The following GRIK4 variants were observed in gnomAD, a reference collection of about 807,000 sequenced individuals.
GRIK4 encodes the protein glutamate ionotropic receptor kainate type subunit 4.
In GRIK4, 40 loss-of-function variants were observed where a neutral mutation model predicts 104.9. The observed-to-expected ratio is 0.38, with a 90% CI of 0.30 to 0.50. The LOEUF (loss-of-function observed/expected upper bound fraction) is 0.50, where lower values mean the gene tolerates loss of function less well. Ranked by LOEUF, GRIK4 falls within the 20% of genes least tolerant of loss-of-function variation. The pLI, the probability that GRIK4 is intolerant of heterozygous loss-of-function variation, is 0.93. For missense variants in GRIK4, 1,047 were observed against 1,308.1 expected, an observed-to-expected ratio of 0.80 and a Z score of 3.08; for synonymous variants, 485 against 524.9, an observed-to-expected ratio of 0.92 and a Z score of 1.04.
intron 3 of GRIK4, among the ~76,000 whole-genome samples, chr11:120,784,221 G>A (rs558895286): frequency 1.6e-4 from 25 of 152,286 alleles, no homozygotes; most frequent in African/African-American, 5.8e-4. Context: ...GCTTGGACTC[G>A]GAACCCCCGT....
chr11:120,720,758 A>C (rs1407756539), intron 3 of GRIK4, among the ~76,000 whole-genome samples: 1 of 152,094 alleles, frequency 6.6e-6, no homozygotes, highest in Non-Finnish European at 1.5e-5. Context: ...TATTTTAAGA[A>C]GTTAAGGGTG....
chr11:120,977,065 TC>T (rs1944572886), intron 19 of GRIK4, among the ~76,000 whole-genome samples: 1 of 152,230 alleles, frequency 6.6e-6, no homozygotes. Flanking sequence ...AGAACATTAT[TC>T]ATTTGCATTT....
In GRIK4 at chr11:120,987,012, GA is replaced by G. The variant is rs1944766528; in HGVS notation, c.*753del. The G allele has an allele frequency of 6.6e-6, 1 of 152,210 alleles. No homozygotes were observed. Among genetic ancestry groups the G allele is most frequent in the East Asian group, 1.9e-4 (1 of 5,192 alleles). The allele number at this position is 152,210 out of a possible 1,614,324, so 9.4% of individuals were successfully genotyped here. A position where few individuals can be genotyped will look rare whatever the true frequency, so the allele number is the denominator to read the frequency against. Reference sequence around the variant, plus strand: ...AAAAGTCCATTGCAGTAAACTTTGAGATGCCAAAAAGCAATTAACTCATCCT... The same window carrying G: ...AAAAGTCCATTGCAGTAAACTTTGAGTGCCAAAAAGCAATTAACTCATCCT... On this transcript the variant is annotated 3_prime_UTR_variant, in exon 21 of 21. Transcript: ENST00000527524.
At chr11:120,702,914 T>C (rs148004674) in intron 3 of GRIK4, among the ~76,000 whole-genome samples, 2 of 152,346 alleles carry the variant, frequency 1.3e-5, no homozygotes, top group East Asian at 3.9e-4. Context: ...CAGCACACTT[T>C]TAAGTTCACT....
rs529258582 is a variant in GRIK4 at position 120,813,369 on chromosome 11, T to C, written c.248-2009T>C. ...AGGCAGTTGTAGGGATCTGAGGGGATGATGAACTTCAAGCACCTAGTGGGC... is the reference window on the plus strand; with the variant it reads ...AGGCAGTTGTAGGGATCTGAGGGGACGATGAACTTCAAGCACCTAGTGGGC... On this transcript the variant is annotated intron_variant, in intron 4 of 20. Transcript: ENST00000527524. Among the ~76,000 whole-genome samples, 11 of 152,162 alleles carry C rather than the reference T, an allele frequency of 7.2e-5. No individual in the cohort carries two copies. In the East Asian group the frequency reaches 2.1e-3, roughly 29 times the overall value.
At position 120,766,718 on chromosome 11, in the gene GRIK4, C is replaced by A. The variant is rs548886939; in HGVS notation, c.83-35975C>A. ...TTGGCTAGGGGAGGTAGTTCTCTGA[C>A]CCTTTGCACTTCCTGGGTGAGACGA... On this transcript the variant is annotated intron_variant, in intron 3 of 20. Transcript: ENST00000527524. Among the ~76,000 whole-genome samples, 25 of 152,106 alleles carry A rather than the reference C, an allele frequency of 1.6e-4. No homozygotes were observed. In the East Asian group the frequency reaches 4.9e-3, roughly 30 times the overall value.
intron 6 of GRIK4, among the ~76,000 whole-genome samples, chr11:120,831,136 C>T: frequency 6.6e-6 from 1 of 152,112 alleles, no homozygotes; most frequent in East Asian, 1.9e-4. Flanking sequence ...CAGTTCAAAG[C>T]CTGTTCCCTT....
Position 120,953,033 on chromosome 11 carries a change from AG to A in GRIK4, c.1700+74del. Reference sequence around the variant, plus strand: ...GTCCACCTCTGGGAACTGCATGGGGAGGGGGTGGGGAGGAGGAGAGGGGGAG... The same window carrying A: ...GTCCACCTCTGGGAACTGCATGGGGAGGGGTGGGGAGGAGGAGAGGGGGAG... On this transcript the variant is annotated intron_variant, in intron 15 of 20. Transcript: ENST00000527524. This position sits in a 1 kb window ranked among gnomAD's most constrained non-coding sequence, Gnocchi z 4.9. 1.6e-6 allele frequency: 1 copy of A among 638,490 alleles called. No individual in the cohort carries two copies. The highest frequency in any genetic ancestry group is 2.9e-6 in the Non-Finnish European group (1 of 350,174). 39.6% of individuals were successfully genotyped at this position (638,490 alleles called of 1,614,324 possible).
chr11:120,612,978 C>T (rs1714720614), intron 1 of GRIK4, among the ~76,000 whole-genome samples: 1 of 152,214 alleles, frequency 6.6e-6, no homozygotes, highest in Non-Finnish European at 1.5e-5. Context: ...AAAAGCATTT[C>T]TAATCAGTGA....
intron 1 of GRIK4, among the ~76,000 whole-genome samples, chr11:120,606,716 T>C (rs1477506491): frequency 6.6e-6 from 1 of 152,146 alleles, no homozygotes; most frequent in Non-Finnish European, 1.5e-5. Context: ...GAGGAGGGCA[T>C]GCAGTTCTCC....
intron 11 of GRIK4, among the ~76,000 whole-genome samples, chr11:120,878,745 C>A (rs1049372687): frequency 1.3e-5 from 2 of 152,040 alleles, no homozygotes; most frequent in Non-Finnish European, 2.9e-5. Context: ...AGCTTTGGTC[C>A]CCAGGTCCCA....
At chr11:120,512,237 C>A (rs954433646) in intron 1 of GRIK4, among the ~76,000 whole-genome samples, 1 of 151,952 alleles carries the variant, frequency 6.6e-6, no homozygotes, top group Non-Finnish European at 1.5e-5. Flanking sequence ...CTCTGGTCCT[C>A]CCCCTCCCCG....
intron 1 of GRIK4, among the ~76,000 whole-genome samples, chr11:120,548,720 G>C (rs1293570290): frequency 6.6e-6 from 1 of 152,154 alleles, no homozygotes; most frequent in African/African-American, 2.4e-5. Flanking sequence ...AAACACCCCA[G>C]AGCAGAGGCA....
intron 7 of GRIK4, among the ~76,000 whole-genome samples, chr11:120,834,516 T>C (rs1443492984): frequency 6.6e-6 from 1 of 152,210 alleles, no homozygotes; most frequent in African/African-American, 2.4e-5. Context: ...AGGCGTTCCA[T>C]CAGGCCTGGC....
At chr11:120,769,685 A>T (rs1951905044) in intron 3 of GRIK4, among the ~76,000 whole-genome samples, 1 of 152,224 alleles carries the variant, frequency 6.6e-6, no homozygotes, top group South Asian at 2.1e-4. Flanking sequence ...ATAAGAGCTC[A>T]TTCCTGGAGC....
chr11:120,660,363 C>G lies in GRIK4; in HGVS notation c.45C>G (p.Leu15=), dbSNP rs142433514. The G allele has an allele frequency of 5.0e-6, 8 of 1,613,302 alleles. No individual in the cohort carries two copies. Among genetic ancestry groups the G allele is most frequent in the Admixed American group, 1.7e-5 (1 of 60,024 alleles). The part of the protein sequence containing the change: ...SAPLVLLPAW[L]VMVACSPHSL... The stretch of plus-strand genomic sequence containing the variant: ...CTTTGGTGCTGCTTCCTGCGTGGCT[C>G]GTGATGGTCGCCTGCAGCCCGCACT... Residue 15 remains leucine, a synonymous_variant, in exon 3 of 21, where the codon CTC becomes CTG. Transcript: ENST00000527524.
At chr11:120,699,225 G>A (rs1187022989) in intron 3 of GRIK4, among the ~76,000 whole-genome samples, 2 of 151,948 alleles carry the variant, frequency 1.3e-5, no homozygotes, top group East Asian at 1.9e-4. Flanking sequence ...TTGGTGGCTC[G>A]CGGTCCCAGC....
At chr11:120,925,493 G>T (rs1231398898) in intron 13 of GRIK4, among the ~76,000 whole-genome samples, 1 of 152,216 alleles carries the variant, frequency 6.6e-6, no homozygotes. Flanking sequence ...ATGTGGACCA[G>T]TTAGCTTTGC....
At chr11:120,744,524 G>C (rs1464593762) in intron 3 of GRIK4, among the ~76,000 whole-genome samples, 1 of 152,220 alleles carries the variant, frequency 6.6e-6, no homozygotes, top group Non-Finnish European at 1.5e-5. Context: ...CCTATGCCAG[G>C]CCCTGGGCAA....
Sources: allele counts gnomAD v4.1 joint callset (sites outside exome capture counted in the v4.1 genomes callset), GRCh38; gene constraint gnomAD v4.1.1; non-coding constraint Gnocchi (gnomAD v3.1); transcripts MANE v1.5; gene names NCBI Gene and HGNC (gene_info 2026-07-23, HGNC 2026-07-21).